PARK7: variants seen among roughly 807,000 people sequenced by gnomAD.
The protein encoded by PARK7 is Parkinsonism associated deglycase.
In PARK7, 14 loss-of-function variants were observed where a neutral mutation model predicts 20.5. The ratio of observed to expected loss-of-function variants is 0.68; its 90% CI spans 0.45 to 1.07. The LOEUF (loss-of-function observed/expected upper bound fraction) is 1.07. Ranked by LOEUF, PARK7 falls within the 50% of genes least tolerant of loss-of-function variation. The pLI is 0.00. For missense variants in PARK7, 234 were observed against 238.1 expected, an observed-to-expected ratio of 0.98 and a Z score of 0.11; for synonymous variants, 98 against 84.3, an observed-to-expected ratio of 1.16 and a Z score of -0.89.
At chr1:7,982,253 T>C (rs968121627) in intron 6 of PARK7, among the ~76,000 whole-genome samples, 1 of 151,862 alleles carries the variant, frequency 6.6e-6, no homozygotes, top group African/African-American at 2.4e-5. Context: ...TCCCAGAGTG[T>C]TGGAATTACC....
intron 2 of PARK7, among the ~76,000 whole-genome samples, chr1:7,965,050 G>C (rs866942586): frequency 6.6e-6 from 1 of 152,124 alleles, no homozygotes; most frequent in African/African-American, 2.4e-5. Context: ...AGTATTTCCT[G>C]TCATGTTACT....
chr1:7,983,163 A>G (rs899041318), intron 6 of PARK7, among the ~76,000 whole-genome samples: 3 of 152,216 alleles, frequency 2.0e-5, no homozygotes, highest in African/African-American at 7.2e-5. Context: ...GACGTTTCCT[A>G]AGCTCCTCCT....
intron 2 of PARK7, among the ~76,000 whole-genome samples, chr1:7,963,780 G>A (rs1446635052): frequency 6.6e-6 from 1 of 150,802 alleles, no homozygotes; most frequent in Non-Finnish European, 1.5e-5. Flanking sequence ...TTAAAGATAA[G>A]TGCTATCCTC....
chr1:7,970,840 A>C, intron 4 of PARK7, 54 bp from the exon 5 acceptor site: 1 of 1,564,900 alleles, frequency 6.4e-7, no homozygotes, highest in Admixed American at 1.7e-5. Flanking sequence ...CTAGTGAGTG[A>C]TTGGTTAGTG....
chr1:7,985,271 T>G lies in PARK7; in HGVS notation c.*217T>G. On this transcript the variant is annotated 3_prime_UTR_variant, in exon 7 of 7. Coordinates refer to ENST00000338639, the MANE Select transcript of PARK7 (RefSeq NM_007262.5). ...CCTTGTTTGCAGAATAAACAGGGCA[T>G]TTAGCAAACTACTGATTGTTTCTTG... is the stretch of plus-strand genomic sequence containing the variant. 3.4e-6 allele frequency: 2 copies of G among 589,034 alleles called. No homozygotes were observed. Among genetic ancestry groups the G allele is most frequent in the Non-Finnish European group, 5.9e-6 (2 of 336,332 alleles). The allele number at this position is 589,034 out of a possible 1,614,324, so 36.5% of individuals were successfully genotyped here.
chr1:7,981,874 G>A (rs1640717174), intron 6 of PARK7, among the ~76,000 whole-genome samples: 1 of 151,326 alleles, frequency 6.6e-6, no homozygotes, highest in Admixed American at 6.6e-5. Flanking sequence ...TAGCCAGGAT[G>A]GTCTCGATCT....
intron 5 of PARK7, among the ~76,000 whole-genome samples, chr1:7,976,803 C>T (rs1265172696): frequency 6.6e-6 from 1 of 152,226 alleles, no homozygotes; most frequent in African/African-American, 2.4e-5. Context: ...TCACTGAAAG[C>T]TCTGCCTCCC....
intron 4 of PARK7, among the ~76,000 whole-genome samples, chr1:7,969,992 G>A (rs960859825): frequency 6.6e-6 from 1 of 152,158 alleles, no homozygotes; most frequent in African/African-American, 2.4e-5. Context: ...AGGAGTTTGA[G>A]ACCAGCCTAA....
intron 2 of PARK7, among the ~76,000 whole-genome samples, chr1:7,964,911 G>A (rs2151428453): frequency 6.6e-6 from 1 of 152,286 alleles, no homozygotes; most frequent in Middle Eastern, 3.4e-3. Flanking sequence ...TGGGAGAAAG[G>A]GTGTTCCAGT....
rs1016856131 is a variant in PARK7 at position 7,970,443 on chromosome 1, T to C, written c.253-451T>C. 2.0e-5 allele frequency among the ~76,000 whole-genome samples: 3 copies of C among 152,054 alleles called. No individual in the cohort carries two copies. In the South Asian group the frequency reaches 6.2e-4, roughly 31 times the overall value. On this transcript the variant is annotated intron_variant, in intron 4 of 6. Transcript: ENST00000338639. ...AGAGACCATTGTTCCTCATTTTAAG[T>C]CGTATGTGAGGAGTCAGAGGCCAGG...
At chr1:7,969,095 A>AT (rs937919618) in intron 3 of PARK7, 19 of 449,102 alleles carry the variant, frequency 4.2e-5, no homozygotes, top group African/African-American at 2.8e-4. Context: ...GAAGGAGATT[A>AT]TACTACCCCT....
At position 7,972,979 on chromosome 1, in the gene PARK7, G is replaced by A. The variant is rs189478769; in HGVS notation, c.322+2016G>A. 5.2e-3 allele frequency among the ~76,000 whole-genome samples: 784 copies of A among 152,174 alleles called. 3 individuals are homozygous for A. The highest frequency in any genetic ancestry group is 0.011 in the Admixed American group (173 of 15,288). On this transcript the variant is annotated intron_variant, in intron 5 of 6. Coordinates refer to ENST00000338639, the MANE Select transcript of PARK7 (RefSeq NM_007262.5). ...GCAGGAGAATCTATTGAACCCGGGC[G>A]GCGGAGGTTGCAGTGAGCCGCGATT... is the stretch of plus-strand genomic sequence containing the variant.
intron 3 of PARK7, among the ~76,000 whole-genome samples, chr1:7,965,965 C>G (rs191063912): frequency 6.6e-6 from 1 of 152,234 alleles, no homozygotes; most frequent in Non-Finnish European, 1.5e-5. Flanking sequence ...ATGTGCCATG[C>G]CCGGCCATTA....
intron 4 of PARK7, 65 bp from the exon 5 acceptor site, chr1:7,970,829 C>T (rs1056793971): frequency 2.7e-6 from 4 of 1,503,250 alleles, no homozygotes; most frequent in South Asian, 2.3e-5. Context: ...TCCAAAGTTT[C>T]CTAGTGAGTG....
chr1:7,966,569 ATGCC>A (rs1640334721), intron 3 of PARK7, among the ~76,000 whole-genome samples: 1 of 151,940 alleles, frequency 6.6e-6, no homozygotes, highest in African/African-American at 2.4e-5. Flanking sequence ...GTGGTGGTGC[ATGCC>A]TGTAGTTCTA....
chr1:7,969,317 G>A, intron 3 of PARK7, 28 bp from the exon 4 acceptor site: 1 of 1,574,126 alleles, frequency 6.4e-7, no homozygotes, highest in East Asian at 2.2e-5. Context: ...AAATGTTTTT[G>A]TTTTCTTTAT....
At chr1:7,979,625 CG>C (rs548377476) in intron 6 of PARK7, among the ~76,000 whole-genome samples, 189 of 152,224 alleles carry the variant, frequency 1.2e-3, no homozygotes, top group South Asian at 2.9e-3. Flanking sequence ...CTCAGCCTCC[CG>C]AGTAGCTGGA....
intron 3 of PARK7, 107 bp from the exon 4 acceptor site, chr1:7,969,238 C>A: frequency 3.4e-6 from 3 of 869,788 alleles, no homozygotes; most frequent in African/African-American, 3.3e-5. Context: ...GATAGGCTAT[C>A]TCCTGTACTT....
chr1:7,978,861 A>G (rs1359894538), intron 6 of PARK7, among the ~76,000 whole-genome samples: 2 of 145,600 alleles, frequency 1.4e-5, no homozygotes, highest in South Asian at 2.2e-4. Flanking sequence ...AAAAAAAAAA[A>G]AAAGTTTCTT....
Sources: gnomAD v4.1 joint callset for allele counts (sites outside exome capture counted in the v4.1 genomes callset) on GRCh38, gnomAD v4.1.1 for gene constraint, MANE v1.5 for transcripts, NCBI Gene and HGNC (gene_info 2026-07-23, HGNC 2026-07-21) for gene names.